Variants in SORCS2 observed in about 807,000 individuals in gnomAD.
The protein encoded by SORCS2 is VPS10 domain-containing receptor SorCS2.
In SORCS2, 100 loss-of-function variants were observed where a neutral mutation model predicts 141.6. The ratio of observed to expected loss-of-function variants is 0.71; its 90% confidence interval spans 0.60 to 0.83. SORCS2 has a LOEUF of 0.83. SORCS2 is among the 40% of genes least tolerant of loss of function. The pLI is 0.00. For missense variants in SORCS2, 1,646 were observed against 1,560.2 expected, an observed-to-expected ratio of 1.05 and a Z score of -0.93; for synonymous variants, 789 against 676.9, an observed-to-expected ratio of 1.17 and a Z score of -2.57.
In SORCS2 at chr4:7,470,264, C is replaced by CCCATCCTG. The variant is rs1212189986; in HGVS notation, c.549-61258_549-61251dup. Reference sequence around the variant, plus strand: ...ATCCATCCTCCCATCCTCCCATCCTCCCATCCTGCCATCCTCCCGTCCTCC... The same window carrying CCCATCCTG: ...ATCCATCCTCCCATCCTCCCATCCTCCCATCCTGCCATCCTGCCATCCTCCCGTCCTCC... On this transcript the variant is annotated intron_variant, in intron 2 of 26. Coordinates refer to ENST00000507866, the MANE Select transcript of SORCS2 (RefSeq NM_020777.3). Among the ~76,000 whole-genome samples, 4 of 151,186 alleles carry CCCATCCTG rather than the reference C, an allele frequency of 2.6e-5. No individual in the cohort carries two copies. In the East Asian group the frequency reaches 5.8e-4, roughly 22 times the overall value.
chr4:7,407,563 T>C lies in SORCS2; in HGVS notation c.548+11208T>C, dbSNP rs937275465. On this transcript the variant is annotated intron_variant, in intron 2 of 26. Coordinates refer to ENST00000507866, the MANE Select transcript of SORCS2 (RefSeq NM_020777.3). ...TTTCCAGCCCATCACTTTCAGTCTA[T>C]GTGTCATTATAGGTGAAGTGGGTTT... Among the ~76,000 whole-genome samples the C allele has an allele frequency of 2.6e-5, 4 of 152,224 alleles. No homozygotes were observed. The South Asian group carries it at 8.3e-4, about 32-fold the overall frequency.
chr4:7,622,750 A>T (rs908373837), intron 3 of SORCS2, among the ~76,000 whole-genome samples: 4 of 152,174 alleles, frequency 2.6e-5, no homozygotes, highest in African/African-American at 9.7e-5. Context: ...TTCAGGTCAC[A>T]GTGGCCTCCA....
At chr4:7,409,524 A>G (rs771166889) in intron 2 of SORCS2, among the ~76,000 whole-genome samples, 1 of 152,112 alleles carries the variant, frequency 6.6e-6, no homozygotes, top group Non-Finnish European at 1.5e-5. Flanking sequence ...CCTCAGGGAT[A>G]TTTCTCCCTT....
intron 2 of SORCS2, among the ~76,000 whole-genome samples, chr4:7,449,953 AAAT>A (rs1434428526): frequency 1.3e-5 from 2 of 152,174 alleles, no homozygotes; most frequent in Non-Finnish European, 2.9e-5. Flanking sequence ...TTAGTTAAAC[AAAT>A]AATGTTTGCT....
intron 2 of SORCS2, among the ~76,000 whole-genome samples, chr4:7,448,239 G>A (rs1431321128): frequency 1.3e-5 from 2 of 152,120 alleles, no homozygotes; most frequent in Non-Finnish European, 2.9e-5. Flanking sequence ...TGTGGCGCCT[G>A]GAGGTGGAAC....
chr4:7,416,673 T>C (rs112530353), intron 2 of SORCS2, among the ~76,000 whole-genome samples: 1 of 151,470 alleles, frequency 6.6e-6, no homozygotes, highest in Non-Finnish European at 1.5e-5. Flanking sequence ...CACACTTGTG[T>C]GCACACTCAG....
At chr4:7,427,522 A>G (rs1726531190) in intron 2 of SORCS2, among the ~76,000 whole-genome samples, 1 of 152,110 alleles carries the variant, frequency 6.6e-6, no homozygotes, top group Non-Finnish European at 1.5e-5. Flanking sequence ...TGGGACTTGG[A>G]GCATACTTCC....
intron 1 of SORCS2, among the ~76,000 whole-genome samples, chr4:7,394,725 G>C (rs550563161): frequency 2.0e-4 from 30 of 152,206 alleles, no homozygotes; most frequent in Admixed American, 1.7e-3. Flanking sequence ...TGTGAAGCCA[G>C]CCTCACAGCA....
At chr4:7,473,996 A>G (rs1240665244) in intron 2 of SORCS2, among the ~76,000 whole-genome samples, 1 of 152,182 alleles carries the variant, frequency 6.6e-6, no homozygotes, top group African/African-American at 2.4e-5. Flanking sequence ...TGCTGCACCC[A>G]TCTGAAGCTC....
chr4:7,328,756 T>G (rs534153699), intron 1 of SORCS2, among the ~76,000 whole-genome samples: 1 of 152,292 alleles, frequency 6.6e-6, no homozygotes, highest in African/African-American at 2.4e-5. Flanking sequence ...GTCCTGGTCT[T>G]GCCACTCACC....
intron 1 of SORCS2, among the ~76,000 whole-genome samples, chr4:7,236,067 GGGTAAACACGTGCCT>G (rs1280865110): frequency 6.6e-6 from 1 of 152,212 alleles, no homozygotes; most frequent in Non-Finnish European, 1.5e-5. Flanking sequence ...AGCTTCTGAT[GGGTAAACACGTGCCT>G]GTTGGCCTTC....
chr4:7,684,256 G>A (rs1177254940), intron 10 of SORCS2, among the ~76,000 whole-genome samples: 1 of 152,220 alleles, frequency 6.6e-6, no homozygotes, highest in Non-Finnish European at 1.5e-5. Flanking sequence ...GTGCCTCTGA[G>A]CCTCTGTTGA....
chr4:7,704,301 G>A lies in SORCS2; in HGVS notation c.1868+17G>A, dbSNP rs1265569388. 6.3e-7 allele frequency: 1 copy of A among 1,594,510 alleles called. No homozygotes were observed. The highest frequency in any genetic ancestry group is 1.3e-5 in the African/African-American group (1 of 74,710). On this transcript the variant is annotated intron_variant, in intron 14 of 26. Coordinates refer to ENST00000507866, the MANE Select transcript of SORCS2 (RefSeq NM_020777.3). ...GGTCATGACGTGAGTGCGGGGACCG[G>A]GGAGTGGGCACTGGTGGCAGGGCAG...
At chr4:7,520,727 C>T (rs1011136429) in intron 2 of SORCS2, among the ~76,000 whole-genome samples, 42 of 152,204 alleles carry the variant, frequency 2.8e-4, no homozygotes, top group African/African-American at 9.6e-4. Context: ...TTGCCGCCAG[C>T]CCTCTCCGCC....
chr4:7,443,739 T>G (rs1024426723), intron 2 of SORCS2, among the ~76,000 whole-genome samples: 3 of 152,262 alleles, frequency 2.0e-5, no homozygotes, highest in Non-Finnish European at 4.4e-5. Context: ...CCTCAGCACC[T>G]TGGCGTTAGA....
At chr4:7,543,827 T>TCCATCCAGCCA (rs1712976111) in intron 3 of SORCS2, among the ~76,000 whole-genome samples, 1 of 88,704 alleles carries the variant, frequency 1.1e-5, no homozygotes, top group Non-Finnish European at 2.4e-5. Context: ...CATCTACCCA[T>TCCATCCAGCCA]CTGTCCATCC....
At chr4:7,615,803 C>T (rs1385400343) in intron 3 of SORCS2, among the ~76,000 whole-genome samples, 1 of 152,200 alleles carries the variant, frequency 6.6e-6, no homozygotes, top group African/African-American at 2.4e-5. Context: ...CTGCTGGCCT[C>T]ACAGCTGACC....
intron 2 of SORCS2, among the ~76,000 whole-genome samples, chr4:7,468,693 C>A (rs1202796161): frequency 6.6e-6 from 1 of 152,222 alleles, no homozygotes; most frequent in Non-Finnish European, 1.5e-5. Flanking sequence ...TCTCTAGTCC[C>A]AGCTGCTTAT....
At chr4:7,515,469 G>C (rs1732914296) in intron 2 of SORCS2, among the ~76,000 whole-genome samples, 1 of 152,170 alleles carries the variant, frequency 6.6e-6, no homozygotes, top group African/African-American at 2.4e-5. Flanking sequence ...CAGAGCTGTA[G>C]CCTTGGCCCT....
Sources: gnomAD v4.1 joint callset for allele counts (sites outside exome capture counted in the v4.1 genomes callset) on GRCh38, gnomAD v4.1.1 for gene constraint, MANE v1.5 for transcripts, NCBI Gene and HGNC (gene_info 2026-07-23, HGNC 2026-07-21) for gene names.